The following TMEM266 variants were observed in gnomAD, a reference collection of about 807,000 sequenced individuals.
TMEM266 encodes Hv1 related protein 1.
Under a neutral mutation model 50.5 loss-of-function variants are expected in TMEM266, and 33 were observed. That is an observed-to-expected ratio of 0.65 (90% confidence interval 0.50 to 0.87). The LOEUF is 0.87. Among genes scored for constraint, TMEM266 ranks in the 40% least tolerant of loss-of-function variants. The pLI is 0.00. For missense variants in TMEM266, 655 were observed against 695.1 expected (o/e 0.94, Z 0.65); for synonymous variants, 310 against 292.3 (o/e 1.06, Z -0.62).
chr15:76,187,220 G>A (rs1331514407), intron 8 of TMEM266, among the ~76,000 whole-genome samples: 1 of 152,234 alleles, frequency 6.6e-6, no homozygotes, highest in Non-Finnish European at 1.5e-5. Flanking sequence ...TTCTGTGTAT[G>A]TGCCTACGTC....
Position 76,170,914 on chromosome 15 carries a change from C to T in TMEM266, c.514-79C>T, listed in dbSNP as rs1356669059. 2.7e-6 allele frequency: 4 copies of T among 1,497,736 alleles called. No homozygotes were observed. The African/African-American group carries it at 4.2e-5, about 16-fold the overall frequency. The allele number at this position is 1,497,736 out of a possible 1,614,324, so 92.8% of individuals were successfully genotyped here. A position where few individuals can be genotyped will look rare whatever the true frequency, so the allele number is the denominator to read the frequency against. On this transcript the variant is annotated intron_variant, in intron 6 of 10. Coordinates refer to ENST00000388942, the MANE Select transcript of TMEM266 (RefSeq NM_152335.3). ...GGGCTGCTGGAAAAGTTGGGCAGCACCAGCTGCTTTGCCTGACTGACCCCT... is the reference window on the plus strand; with the variant it reads ...GGGCTGCTGGAAAAGTTGGGCAGCATCAGCTGCTTTGCCTGACTGACCCCT...
intron 5 of TMEM266, among the ~76,000 whole-genome samples, chr15:76,169,365 C>T (rs1357320058): frequency 6.6e-6 from 1 of 151,994 alleles, no homozygotes; most frequent in Non-Finnish European, 1.5e-5. Flanking sequence ...GAGTCAACTG[C>T]GTTTTTGCCA....
At chr15:76,200,728 A>T (rs2038732785) in intron 9 of TMEM266, among the ~76,000 whole-genome samples, 1 of 152,200 alleles carries the variant, frequency 6.6e-6, no homozygotes, top group African/African-American at 2.4e-5. Flanking sequence ...GGCAGCAGCC[A>T]GGCTAGACAG....
intron 1 of TMEM266, chr15:76,108,936 A>C (rs1334757168): frequency 6.6e-6 from 1 of 152,182 alleles, no homozygotes; most frequent in South Asian, 2.1e-4. Flanking sequence ...TTTGGCACTC[A>C]TCATAAACTA....
chr15:76,087,069 T>C (rs1278834560), intron 1 of TMEM266, among the ~76,000 whole-genome samples: 8 of 152,180 alleles, frequency 5.3e-5, no homozygotes. Flanking sequence ...CCAGTCCCTC[T>C]TCTGCCTCAT....
chr15:76,078,238 C>G (rs1021391193), intron 1 of TMEM266, among the ~76,000 whole-genome samples: 3 of 152,032 alleles, frequency 2.0e-5, no homozygotes, highest in East Asian at 3.8e-4. Flanking sequence ...CCTCAAGGTG[C>G]CCTGCCTCTT....
intron 1 of TMEM266, among the ~76,000 whole-genome samples, chr15:76,079,618 T>C (rs2036655251): frequency 6.7e-6 from 1 of 149,912 alleles, no homozygotes; most frequent in Admixed American, 6.7e-5. Flanking sequence ...TGAAACCCCA[T>C]CTCTACTAAA....
chr15:76,110,903 C>G (rs1359613112), intron 1 of TMEM266, among the ~76,000 whole-genome samples: 4 of 152,072 alleles, frequency 2.6e-5, no homozygotes, highest in Non-Finnish European at 4.4e-5. Flanking sequence ...ATTGTATCAA[C>G]AAGGAAATGC....
chr15:76,194,358 G>A (rs2038624806), intron 9 of TMEM266, among the ~76,000 whole-genome samples: 1 of 152,176 alleles, frequency 6.6e-6, no homozygotes, highest in African/African-American at 2.4e-5. Flanking sequence ...TCTGGACCTT[G>A]CCCAGCTCCC....
intron 3 of TMEM266, among the ~76,000 whole-genome samples, chr15:76,146,421 A>T (rs1425468903): frequency 6.6e-6 from 1 of 152,232 alleles, no homozygotes; most frequent in Non-Finnish European, 1.5e-5. Context: ...TAAAAGGCCC[A>T]GCCTGAGAGG....
chr15:76,175,425 G>T, intron 7 of TMEM266, 134 bp from the exon 8 acceptor site: 1 of 655,184 alleles, frequency 1.5e-6, no homozygotes, highest in South Asian at 1.8e-5. Flanking sequence ...CGGGTACCTG[G>T]ACATTTCCCC....
chr15:76,086,422 A>G (rs2036777646), intron 1 of TMEM266, among the ~76,000 whole-genome samples: 1 of 152,238 alleles, frequency 6.6e-6, no homozygotes, highest in Admixed American at 6.5e-5. Context: ...GAAATGTTTT[A>G]TATCTTTGTT....
At chr15:76,198,185 A>G (rs182953084) in intron 9 of TMEM266, among the ~76,000 whole-genome samples, 1 of 152,286 alleles carries the variant, frequency 6.6e-6, no homozygotes, top group East Asian at 1.9e-4. Context: ...GCTGAAGCTC[A>G]GAGTGGCTAA....
chr15:76,129,191 A>G (rs537028341), intron 1 of TMEM266, among the ~76,000 whole-genome samples: 8 of 152,336 alleles, frequency 5.3e-5, no homozygotes, highest in Admixed American at 3.9e-4. Context: ...GGCTGTTAGT[A>G]TAATAAAAAG....
chr15:76,079,186 C>T (rs927776086), intron 1 of TMEM266, among the ~76,000 whole-genome samples: 1 of 152,104 alleles, frequency 6.6e-6, no homozygotes, highest in African/African-American at 2.4e-5. Context: ...AAACCCATCT[C>T]TACTAAACAT....
At chr15:76,201,924 G>T (rs1440582231) in intron 9 of TMEM266, among the ~76,000 whole-genome samples, 1 of 152,198 alleles carries the variant, frequency 6.6e-6, no homozygotes, top group East Asian at 1.9e-4. Flanking sequence ...TCTCAGAGAT[G>T]GGGAAACTGG....
chr15:76,177,413 G>A (rs1433239757), intron 8 of TMEM266, among the ~76,000 whole-genome samples: 5 of 152,234 alleles, frequency 3.3e-5, no homozygotes, highest in African/African-American at 7.2e-5. Context: ...CAGTTTTGGG[G>A]TGGGGGACAC....
At chr15:76,162,386 C>G (rs904136514) in intron 5 of TMEM266, among the ~76,000 whole-genome samples, 1 of 152,208 alleles carries the variant, frequency 6.6e-6, no homozygotes, top group Non-Finnish European at 1.5e-5. Context: ...GCTGCGTGCC[C>G]GTAAGAACCA....
chr15:76,066,575 C>T (rs1354825621), intron 1 of TMEM266, among the ~76,000 whole-genome samples: 2 of 151,584 alleles, frequency 1.3e-5, no homozygotes, highest in African/African-American at 2.4e-5. Context: ...TGCTTGCTTT[C>T]TCCTTCCTGC....
Sources: gnomAD v4.1 joint callset for allele counts (sites outside exome capture counted in the v4.1 genomes callset) on GRCh38, gnomAD v4.1.1 for gene constraint, MANE v1.5 for transcripts, NCBI Gene and HGNC (gene_info 2026-07-23, HGNC 2026-07-21) for gene names.